Variants in CHAF1A observed in about 807,000 individuals in gnomAD.
The protein encoded by CHAF1A is CAF-1 subunit A.
A neutral mutation model predicts 93.2 loss-of-function variants in CHAF1A; 5 were observed. The observed-to-expected ratio is 0.05, with a 90% CI of 0.03 to 0.11. CHAF1A has a LOEUF of 0.11. Ranked by LOEUF, CHAF1A falls within the 10% of genes least tolerant of loss-of-function variation. CHAF1A has a pLI of 1.00. For missense variants in CHAF1A, 1,102 were observed against 1,259.9 expected (o/e 0.87, Z 1.90); for synonymous variants, 504 against 510.3 (o/e 0.99, Z 0.17).
At chr19:4,444,057 A>G (rs551308005), downstream of CHAF1A, among the ~76,000 whole-genome samples, 5 of 152,308 alleles carry the variant, frequency 3.3e-5, no homozygotes, top group African/African-American at 1.2e-4. Context: ...CTGTGCCTGA[A>G]GCAGAGGCTG....
chr19:4,447,212 C>T (rs1181893774), downstream of CHAF1A: 2 of 578,350 alleles, frequency 3.5e-6, no homozygotes, highest in African/African-American at 1.9e-5. Context: ...CGCCCAGGAC[C>T]CCAGTCCCTG....
downstream of CHAF1A, chr19:4,449,719 A>G (rs1265078865): frequency 6.6e-6 from 1 of 152,328 alleles, no homozygotes; most frequent in African/African-American, 2.4e-5. Flanking sequence ...AAGGGGTCCA[A>G]ATCCATACAG....
downstream of CHAF1A, chr19:4,445,019 C>A: frequency 6.2e-6 from 1 of 160,276 alleles, no homozygotes; most frequent in Non-Finnish European, 1.4e-5. Flanking sequence ...ATTCAAACAA[C>A]CTGTTTATTT....
At position 4,402,679 on chromosome 19, in the gene CHAF1A, G is replaced by A. The variant is rs532418717; in HGVS notation, c.-84G>A. 3.0e-5 allele frequency: 22 copies of A among 735,810 alleles called. No homozygotes were observed. In the South Asian group the frequency reaches 3.8e-4, roughly 13 times the overall value. The allele number at this position is 735,810 out of a possible 1,614,324, so 45.6% of individuals were successfully genotyped here. On this transcript the variant is annotated 5_prime_UTR_variant, in exon 1 of 15. Transcript: ENST00000301280. ...GCGGCCGCGGCGGCAGCAGCGGCGC[G>A]GGCGGGAGGGCGAAGAGCAGCGGCC...
In CHAF1A at chr19:4,431,938, T is replaced by C; in HGVS notation, c.1948-14T>C. The C allele has an allele frequency of 6.3e-7, 1 of 1,588,760 alleles. No homozygotes were observed. The highest frequency in any genetic ancestry group is 8.6e-7 in the Non-Finnish European group (1 of 1,162,700). On this transcript the variant is annotated splice_polypyrimidine_tract_variant and intron_variant, in intron 11 of 14. Transcript: ENST00000301280. Reference sequence around the variant, plus strand: ...CAAGAACCCCAAATAAACTTCTGCTTTCTAAACCACAAGGAGTGTGCCGAC... The same window carrying C: ...CAAGAACCCCAAATAAACTTCTGCTCTCTAAACCACAAGGAGTGTGCCGAC...
chr19:4,445,655 CGA>C (rs1568187459), downstream of CHAF1A: 5 of 1,597,646 alleles, frequency 3.1e-6, no homozygotes, highest in Non-Finnish European at 4.3e-6. Flanking sequence ...ACTCTGAGAC[CGA>C]GAGTCGGCCC....
chr19:4,442,142 G>A lies in CHAF1A; in HGVS notation c.2674-103G>A. Reference sequence around the variant, plus strand: ...ATGTTGGTTTCCTTCCGTGTTGGGGGTGGGAGGAAGGTGTCACACCTGTGG... The same window carrying A: ...ATGTTGGTTTCCTTCCGTGTTGGGGATGGGAGGAAGGTGTCACACCTGTGG... On this transcript the variant is annotated intron_variant, in intron 13 of 14. Coordinates refer to ENST00000301280, the MANE Select transcript of CHAF1A (RefSeq NM_005483.3). 13 of 860,912 alleles carry A rather than the reference G, an allele frequency of 1.5e-5. No homozygotes were observed. In the South Asian group the frequency reaches 1.9e-4, roughly 13 times the overall value. 53.3% of individuals were successfully genotyped at this position (860,912 alleles called of 1,614,324 possible).
intron 2 of CHAF1A, 44 bp from the exon 3 acceptor site, chr19:4,408,859 A>T: frequency 6.4e-7 from 1 of 1,550,652 alleles, no homozygotes; most frequent in Non-Finnish European, 8.7e-7. Context: ...GAGTGGTTGT[A>T]ACTTTAAACG....
At chr19:4,428,628 G>T (rs746326177) in intron 7 of CHAF1A, 36 bp from the exon 8 acceptor site, 2 of 1,572,122 alleles carry the variant, frequency 1.3e-6, no homozygotes, top group Admixed American at 3.4e-5. Context: ...TTCTCCCATT[G>T]CTCGAAGACC....
Position 4,443,283 on chromosome 19 carries a change from A to G in CHAF1A, c.*258A>G, listed in dbSNP as rs1049021118. ...TGGGGAAGCCTGCGGGCACAGGAGC[A>G]GGCGTGGAATCCAATACTTGTAAAT... On this transcript the variant is annotated 3_prime_UTR_variant, in exon 15 of 15. Coordinates refer to ENST00000301280, the MANE Select transcript of CHAF1A (RefSeq NM_005483.3). 1.5e-5 allele frequency: 7 copies of G among 468,146 alleles called. No individual in the cohort carries two copies. The highest frequency in any genetic ancestry group is 1.3e-4 in the South Asian group (6 of 45,684). 29.0% of individuals were successfully genotyped at this position (468,146 alleles called of 1,614,324 possible).
At position 4,432,069 on chromosome 19, in the gene CHAF1A, G is replaced by A. The variant is rs770908974; in HGVS notation, c.2065G>A (p.Val689Met). 34 of 1,614,020 alleles carry A rather than the reference G, an allele frequency of 2.1e-5. No homozygotes were observed. The highest frequency in any genetic ancestry group is 1.6e-4 in the Middle Eastern group (1 of 6,084). The stretch of plus-strand genomic sequence containing the variant: ...CCTGCAACCTGTGAAGATCGGCTGC[G>A]TGTGGGCGGCTGACAGAGACTGCGC... ...RVLQPVKIGC[V>M]WAADRDCAGD... Residue 689 changes from valine (V) to methionine (M), a missense_variant, in exon 12 of 15, where the codon GTG becomes ATG. By Grantham distance (21) the Val-to-Met change is conservative (BLOSUM62 1). Around this residue, in one of 6 missense-constraint regions of CHAF1A, gnomAD observed 335 missense variants for 361.9 expected, o/e 0.93. Transcript: ENST00000301280.
At chr19:4,441,942 C>A (rs1974398273) in intron 13 of CHAF1A, among the ~76,000 whole-genome samples, 1 of 152,216 alleles carries the variant, frequency 6.6e-6, no homozygotes, top group African/African-American at 2.4e-5. Flanking sequence ...TCTGATGGGG[C>A]CACTATCAGG....
At position 4,433,027 on chromosome 19, in the gene CHAF1A, T is replaced by C; in HGVS notation, c.2204-43T>C. 2 of 1,447,984 alleles carry C rather than the reference T, an allele frequency of 1.4e-6. No homozygotes were observed. The highest frequency in any genetic ancestry group is 1.9e-6 in the Non-Finnish European group (2 of 1,076,120). The allele number at this position is 1,447,984 out of a possible 1,614,324, so 89.7% of individuals were successfully genotyped here. A position where few individuals can be genotyped will look rare whatever the true frequency, so the allele number is the denominator to read the frequency against. On this transcript the variant is annotated intron_variant, in intron 12 of 14. Coordinates refer to ENST00000301280, the MANE Select transcript of CHAF1A (RefSeq NM_005483.3). The surrounding 1 kb of genome is among the most constrained non-coding windows in gnomAD (Gnocchi z 5.6). ...TTGTTTTTTGGCCTGTGGTGATGGG[T>C]GGCTCCCCAAGCCTCATGCCCACCC...
chr19:4,428,646 G>A lies in CHAF1A; in HGVS notation c.1378-18G>A, dbSNP rs1021594227. 6.2e-7 allele frequency: 1 copy of A among 1,608,058 alleles called. No individual in the cohort carries two copies. The highest frequency in any genetic ancestry group is 8.5e-7 in the Non-Finnish European group (1 of 1,174,758). ...TCCCATTGCTCGAAGACCCCATCGG[G>A]TCTCTTCTTGATTTCAGACCCTGGC... is the stretch of plus-strand genomic sequence containing the variant. On this transcript the variant is annotated intron_variant, in intron 7 of 14. Transcript: ENST00000301280.
Position 4,442,284 on chromosome 19 carries a change from G to A in CHAF1A, c.2713G>A (p.Glu905Lys). 1.2e-6 allele frequency: 2 copies of A among 1,613,410 alleles called. No homozygotes were observed. The highest frequency in any genetic ancestry group is 1.7e-6 in the Non-Finnish European group (2 of 1,179,616). ...EDMDGFQADT[E>K]EEEEEEGDCM... ...CATGGACGGCTTCCAGGCAGACACGGAGGAGGAGGAAGAGGAGGAGGGCGA... is the reference window on the plus strand; with the variant it reads ...CATGGACGGCTTCCAGGCAGACACGAAGGAGGAGGAAGAGGAGGAGGGCGA... Residue 905 changes from glutamate to lysine, a missense_variant, in exon 14 of 15, where the codon GAG becomes AAG. Glu to Lys is a moderately conservative substitution (Grantham distance 56, BLOSUM62 1). This residue lies in a region of CHAF1A where 119 missense variants were observed against 102.2 expected (regional missense o/e 1.16). Coordinates refer to ENST00000301280, the MANE Select transcript of CHAF1A (RefSeq NM_005483.3).
chr19:4,411,644 C>CTTTTTTTTTTTTTTTTTT (rs66491258), intron 3 of CHAF1A, among the ~76,000 whole-genome samples: 1,883 of 48,098 alleles, frequency 0.039, 548 homozygotes, highest in Non-Finnish European at 0.043. Flanking sequence ...TGGTGCAAAT[C>CTTTTTTTTTTTTTTTTTT]TTTTTTTTTT....
downstream of CHAF1A, chr19:4,444,672 C>G (rs1568186599): frequency 6.6e-6 from 1 of 152,408 alleles, no homozygotes; most frequent in Non-Finnish European, 1.5e-5. Flanking sequence ...GCCCCTCTTG[C>G]CAGGTGAAGT....
chr19:4,417,764 T>C (rs150289319), intron 3 of CHAF1A, among the ~76,000 whole-genome samples: 51 of 152,316 alleles, frequency 3.3e-4, no homozygotes, highest in African/African-American at 1.1e-3. Context: ...CCCAGCCTTG[T>C]CTGTTGCCTT....
intron 13 of CHAF1A, among the ~76,000 whole-genome samples, chr19:4,436,691 C>T (rs1404373960): frequency 6.6e-6 from 1 of 152,146 alleles, no homozygotes; most frequent in African/African-American, 2.4e-5. Flanking sequence ...TTGGGGTCTC[C>T]TCATGCTCCA....
Sources: gnomAD v4.1 joint callset for allele counts (sites outside exome capture counted in the v4.1 genomes callset) on GRCh38, gnomAD v4.1.1 for gene constraint, gnomAD v4.1.1 regional missense constraint, Gnocchi (gnomAD v3.1) non-coding constraint, MANE v1.5 for transcripts, NCBI Gene and HGNC (gene_info 2026-07-23, HGNC 2026-07-21) for gene names.